The following NOL10 variants were observed in gnomAD, a reference collection of about 807,000 sequenced individuals.
NOL10 encodes the protein H_NH0074G24.1.
A neutral mutation model predicts 103.5 loss-of-function variants in NOL10; 58 were observed. That is an observed-to-expected ratio of 0.56 (90% CI 0.45 to 0.70). The LOEUF (loss-of-function observed/expected upper bound fraction) is 0.70. Among genes scored for constraint, NOL10 ranks in the 30% least tolerant of loss-of-function variants. The probability of loss-of-function intolerance (pLI) is 0.00; values close to 1 mark genes in which losing one functional copy is unlikely to be tolerated. For missense variants in NOL10, 763 were observed against 807.3 expected, an observed-to-expected ratio of 0.95 and a Z score of 0.67; for synonymous variants, 287 against 282.5, an observed-to-expected ratio of 1.02 and a Z score of -0.16.
In NOL10 at chr2:10,607,934, A is replaced by C. The variant is rs1270166050; in HGVS notation, c.1027-623T>G. ...AATTACATTCCATTCTGCATGGTCC[A>C]CTTCATTTAATTCATTTAACTCATT... On this transcript the variant is annotated intron_variant, in intron 13 of 20. Coordinates refer to ENST00000381685, the MANE Select transcript of NOL10 (RefSeq NM_024894.4). Among the ~76,000 whole-genome samples the C allele has an allele frequency of 2.0e-5, 3 of 151,992 alleles. 1 individual carries two copies. The highest frequency in any genetic ancestry group is 6.6e-5 in the Admixed American group (1 of 15,256).
At chr2:10,592,472 G>A (rs1572250740) in intron 17 of NOL10, among the ~76,000 whole-genome samples, 1 of 152,246 alleles carries the variant, frequency 6.6e-6, no homozygotes, top group East Asian at 1.9e-4. Flanking sequence ...GTCTGGGAAC[G>A]ATGCGCCATG....
At chr2:10,678,795 C>T (rs1486662031) in intron 3 of NOL10, among the ~76,000 whole-genome samples, 1 of 152,186 alleles carries the variant, frequency 6.6e-6, no homozygotes, top group East Asian at 1.9e-4. Context: ...GACATTCCAA[C>T]TCCATTTCCC....
chr2:10,679,620 T>C (rs368934264), intron 3 of NOL10, among the ~76,000 whole-genome samples: 5,209 of 144,098 alleles, frequency 0.036, 175 homozygotes, highest in African/African-American at 0.084. Context: ...TTCTCTCTCT[T>C]TCTCTCTCTT....
intron 5 of NOL10, among the ~76,000 whole-genome samples, chr2:10,672,313 G>C (rs1488096146): frequency 1.3e-5 from 2 of 152,080 alleles, no homozygotes; most frequent in African/African-American, 4.8e-5. Flanking sequence ...GGCAACAAGA[G>C]TGAAACTCTT....
intron 6 of NOL10, among the ~76,000 whole-genome samples, chr2:10,669,546 A>C (rs1461695759): frequency 6.8e-6 from 1 of 147,330 alleles, no homozygotes; most frequent in Non-Finnish European, 1.5e-5. Flanking sequence ...ACACACAAAC[A>C]TAATAGCCAC....
chr2:10,618,451 A>G (rs1447233745), intron 13 of NOL10, among the ~76,000 whole-genome samples: 2 of 152,196 alleles, frequency 1.3e-5, no homozygotes, highest in African/African-American at 4.8e-5. Context: ...TCTGGCGAGA[A>G]TCACACAGGC....
intron 3 of NOL10, among the ~76,000 whole-genome samples, chr2:10,676,490 C>G (rs987257155): frequency 6.6e-6 from 1 of 152,302 alleles, no homozygotes; most frequent in Non-Finnish European, 1.5e-5. Context: ...GTGGATGAGG[C>G]AGACCTCAGT....
chr2:10,666,318 T>C (rs890035443), intron 8 of NOL10, among the ~76,000 whole-genome samples: 9 of 152,142 alleles, frequency 5.9e-5, no homozygotes, highest in Admixed American at 3.9e-4. Context: ...TAATAAATTA[T>C]AGTACAAACA....
intron 12 of NOL10, among the ~76,000 whole-genome samples, chr2:10,649,390 G>A (rs1316618868): frequency 1.5e-5 from 2 of 134,356 alleles, no homozygotes; most frequent in African/African-American, 2.9e-5. Flanking sequence ...GCATGATCTC[G>A]GCTCACTGCA....
Position 10,680,343 on chromosome 2 carries a change from G to GAGA in NOL10, c.211+1625_211+1627dup, listed in dbSNP as rs1315045358. Reference sequence around the variant, plus strand: ...GGAGAAGAGGGAGAGGGAGAAGAGGGAGAGGGAGAAGAGGGAGAGGGAGAA... The same window carrying GAGA: ...GGAGAAGAGGGAGAGGGAGAAGAGGGAGAAGAGGGAGAAGAGGGAGAGGGAGAA... On this transcript the variant is annotated intron_variant, in intron 3 of 20. Coordinates refer to ENST00000381685, the MANE Select transcript of NOL10 (RefSeq NM_024894.4). 1.9e-3 allele frequency among the ~76,000 whole-genome samples: 200 copies of GAGA among 106,118 alleles called. 1 individual carries two copies. Among genetic ancestry groups the GAGA allele is most frequent in the African/African-American group, 7.0e-3 (189 of 27,154 alleles). 69.6% of individuals were successfully genotyped at this position (106,118 alleles called of 152,430 possible).
chr2:10,609,127 TGAA>T (rs1043303542), intron 13 of NOL10, among the ~76,000 whole-genome samples: 4 of 151,906 alleles, frequency 2.6e-5, no homozygotes, highest in Non-Finnish European at 4.4e-5. Context: ...ACAATCTCCC[TGAA>T]GAAGTTTAAA....
intron 9 of NOL10, among the ~76,000 whole-genome samples, chr2:10,661,224 C>G (rs976515881): frequency 6.6e-6 from 1 of 151,834 alleles, no homozygotes; most frequent in Non-Finnish European, 1.5e-5. Flanking sequence ...TACAGGCATG[C>G]GCCACCACGC....
At chr2:10,642,892 T>G (rs764484979) in intron 13 of NOL10, among the ~76,000 whole-genome samples, 2 of 152,154 alleles carry the variant, frequency 1.3e-5, no homozygotes, top group African/African-American at 4.8e-5. Context: ...CTCCTCACAC[T>G]GAATGGCAAC....
intron 12 of NOL10, among the ~76,000 whole-genome samples, chr2:10,652,884 C>A (rs1679571288): frequency 6.6e-6 from 1 of 152,164 alleles, no homozygotes; most frequent in South Asian, 2.1e-4. Context: ...TAAGAATCCA[C>A]CGGGAAGTGT....
In NOL10 at chr2:10,644,310, T is replaced by C; in HGVS notation, c.1026+10A>G. On this transcript the variant is annotated intron_variant, in intron 13 of 20. Coordinates refer to ENST00000381685, the MANE Select transcript of NOL10 (RefSeq NM_024894.4). Reference sequence around the variant, plus strand: ...CTATTTTTACTGAAACTCCTCTTTGTATTACTTACTGGAATGTAATAGATG... The same window carrying C: ...CTATTTTTACTGAAACTCCTCTTTGCATTACTTACTGGAATGTAATAGATG... The C allele has an allele frequency of 6.6e-7, 1 of 1,506,170 alleles. No homozygotes were observed. The highest frequency in any genetic ancestry group is 8.9e-7 in the Non-Finnish European group (1 of 1,126,428). The allele number at this position is 1,506,170 out of a possible 1,614,324, so 93.3% of individuals were successfully genotyped here. A position where few individuals can be genotyped will look rare whatever the true frequency, so the allele number is the denominator to read the frequency against.
intron 13 of NOL10, among the ~76,000 whole-genome samples, chr2:10,619,530 C>A (rs190145535): frequency 4.6e-4 from 70 of 152,264 alleles, no homozygotes; most frequent in African/African-American, 1.6e-3. Context: ...TGTTAAAGTT[C>A]TCTTTTAAAT....
Position 10,657,744 on chromosome 2 carries a change from A to G in NOL10, c.904T>C (p.Ser302Pro). 6.5e-7 allele frequency: 1 copy of G among 1,549,352 alleles called. No individual in the cohort carries two copies. The highest frequency in any genetic ancestry group is 8.7e-7 in the Non-Finnish European group (1 of 1,146,180). ...SRIVKMWNKN[S>P]GKIFTSLEPE... ...TAATTTCAACCAAAAATACATACGG[A>G]GTTCTTATTCCACATCTTGACAATT... The change falls in exon 11 of 21, where the codon TCC (serine) becomes CCC (proline). Residue 302 changes from serine to proline, a missense_variant and splice_region_variant. Ser to Pro is a moderately conservative substitution (Grantham distance 74). Transcript: ENST00000381685.
At chr2:10,610,334 A>G (rs1437220452) in intron 13 of NOL10, among the ~76,000 whole-genome samples, 1 of 152,236 alleles carries the variant, frequency 6.6e-6, no homozygotes, top group African/African-American at 2.4e-5. Flanking sequence ...ATAATGTTCC[A>G]CAACATTCTT....
intron 2 of NOL10, among the ~76,000 whole-genome samples, chr2:10,683,997 G>A (rs772788716): frequency 2.0e-5 from 3 of 152,106 alleles, no homozygotes; most frequent in East Asian, 1.9e-4. Context: ...GGAGAAAGGC[G>A]GCCGGACGCG....
Sources: gnomAD v4.1 joint callset for allele counts (sites outside exome capture counted in the v4.1 genomes callset) on GRCh38, gnomAD v4.1.1 for gene constraint, MANE v1.5 for transcripts, NCBI Gene and HGNC (gene_info 2026-07-23, HGNC 2026-07-21) for gene names.